Variants in MS4A4A observed in about 807,000 individuals in gnomAD.
The protein encoded by MS4A4A is membrane spanning 4-domains A4A.
In MS4A4A, 26 loss-of-function variants were observed where a neutral mutation model predicts 28.0. That is an observed-to-expected ratio of 0.93 (90% CI 0.68 to 1.29). The LOEUF (loss-of-function observed/expected upper bound fraction) is 1.29, where lower values mean the gene tolerates loss of function less well. MS4A4A is among the 50% of genes most tolerant of loss of function. The pLI is 0.00. For missense variants in MS4A4A, 290 were observed against 293.1 expected (o/e 0.99, Z 0.08); for synonymous variants, 86 against 100.8 (o/e 0.85, Z 0.88).
At chr11:60,298,751 G>C (rs900650135) in intron 3 of MS4A4A, among the ~76,000 whole-genome samples, 8 of 152,168 alleles carry the variant, frequency 5.3e-5, no homozygotes, top group African/African-American at 1.9e-4. Context: ...ATGTTCAGTA[G>C]ATTACCAGGA....
intron 3 of MS4A4A, among the ~76,000 whole-genome samples, 186 bp downstream of exon 3, chr11:60,297,511 G>A (rs1441131960): frequency 6.6e-6 from 1 of 151,910 alleles, no homozygotes; most frequent in African/African-American, 2.4e-5. Context: ...ATTAAATCTA[G>A]GCAGATTAAA....
At chr11:60,301,751 T>A (rs2084954113) in intron 4 of MS4A4A, among the ~76,000 whole-genome samples, 1 of 152,054 alleles carries the variant, frequency 6.6e-6, no homozygotes. Flanking sequence ...GCAAGTTTAG[T>A]TCTTTTTTGT....
intron 3 of MS4A4A, 46 bp from the exon 4 acceptor site, chr11:60,300,955 A>G (rs1468121115): frequency 2.1e-6 from 3 of 1,426,624 alleles, no homozygotes; most frequent in African/African-American, 1.4e-5. Flanking sequence ...ATGACTCCCA[A>G]TACTGGCTTA....
chr11:60,303,601 G>A lies in MS4A4A; in HGVS notation c.546+884G>A, dbSNP rs371617591. 1.1e-4 allele frequency among the ~76,000 whole-genome samples: 16 copies of A among 152,152 alleles called. No homozygotes were observed. In the East Asian group the frequency reaches 2.3e-3, roughly 22 times the overall value. ...CACGTGCCTGTGATCCCAGCTACTC[G>A]GGGGGCTGAGGCAGGAGAATTGCTT... On this transcript the variant is annotated intron_variant, in intron 5 of 6. Coordinates refer to ENST00000337908, the MANE Select transcript of MS4A4A (RefSeq NM_148975.3).
At chr11:60,303,145 T>C (rs937047390) in intron 5 of MS4A4A, among the ~76,000 whole-genome samples, 8 of 152,320 alleles carry the variant, frequency 5.3e-5, no homozygotes, top group Admixed American at 3.9e-4. Flanking sequence ...CTTTCCAACA[T>C]CTTTGGATGT....
At chr11:60,300,809 C>A (rs2084947184) in intron 3 of MS4A4A, among the ~76,000 whole-genome samples, 192 bp from the exon 4 acceptor site, 1 of 151,900 alleles carries the variant, frequency 6.6e-6, no homozygotes, top group African/African-American at 2.4e-5. Flanking sequence ...GATAAATTCT[C>A]CCATGGATTT....
At chr11:60,285,847 A>G (rs567768966) in intron 1 of MS4A4A, among the ~76,000 whole-genome samples, 3 of 152,326 alleles carry the variant, frequency 2.0e-5, no homozygotes, top group Admixed American at 2.0e-4. Flanking sequence ...CTGTGCACAC[A>G]TTGTCATTGA....
chr11:60,296,920 G>A (rs1048830821), intron 2 of MS4A4A: 1 of 350,698 alleles, frequency 2.9e-6, no homozygotes, highest in Non-Finnish European at 5.3e-6. Flanking sequence ...TGTGGTAGAA[G>A]TAACATCGTA....
chr11:60,299,634 G>A (rs576353431), intron 3 of MS4A4A, among the ~76,000 whole-genome samples: 10 of 151,642 alleles, frequency 6.6e-5, no homozygotes, highest in East Asian at 3.9e-4. Flanking sequence ...CACCACACCC[G>A]GCTAATTTTT....
chr11:60,297,053 A>T (rs953341481), intron 2 of MS4A4A, 144 bp from the exon 3 acceptor site: 1 of 962,952 alleles, frequency 1.0e-6, no homozygotes, highest in Non-Finnish European at 1.6e-6. Flanking sequence ...ATTTATGTGA[A>T]AAAAGAGTGA....
chr11:60,287,069 C>T (rs2084809417), intron 1 of MS4A4A, among the ~76,000 whole-genome samples: 2 of 152,156 alleles, frequency 1.3e-5, no homozygotes, highest in South Asian at 4.1e-4. Flanking sequence ...ATTAGGCTTA[C>T]ATAAAACCAC....
intron 5 of MS4A4A, among the ~76,000 whole-genome samples, chr11:60,303,480 G>A (rs905216419): frequency 6.6e-6 from 1 of 152,146 alleles, no homozygotes; most frequent in Admixed American, 6.5e-5. Flanking sequence ...AGATGAGGTG[G>A]GTGGGTCACC....
At position 60,306,158 on chromosome 11, in the gene MS4A4A, T is replaced by A. The variant is rs754177929; in HGVS notation, c.605T>A (p.Leu202His). ...SVLEFCIAVS[L>H]SAFGCKVLCC... ...CTGGAATTCTGCATTGCTGTGTCCC[T>A]CTCTGCCTTTGGATGTAAAGTGCTC... Residue 202 changes from leucine to histidine, a missense_variant, in exon 6 of 7, where the codon CTC becomes CAC. Physicochemically the swap from Leu to His is moderately conservative, Grantham distance 99. Transcript: ENST00000337908. The A allele has an allele frequency of 1.2e-6, 2 of 1,614,102 alleles. No individual in the cohort carries two copies. The highest frequency in any genetic ancestry group is 1.7e-6 in the Non-Finnish European group (2 of 1,179,908).
chr11:60,293,157 A>G (rs1233194933), intron 2 of MS4A4A, among the ~76,000 whole-genome samples: 1 of 152,140 alleles, frequency 6.6e-6, no homozygotes, highest in Non-Finnish European at 1.5e-5. Context: ...TTCCGGGTTC[A>G]AGAGATTCTC....
At position 60,308,735 on chromosome 11, in the gene MS4A4A, CA is replaced by C. The variant is rs1319456121; in HGVS notation, c.*558del. 1 of 152,464 alleles carries C rather than the reference CA, an allele frequency of 6.6e-6. No individual in the cohort carries two copies. Among genetic ancestry groups the C allele is most frequent in the Non-Finnish European group, 1.5e-5 (1 of 68,324 alleles). 9.4% of individuals were successfully genotyped at this position (152,464 alleles called of 1,614,324 possible). ...CCATAGAAAGTACCTTGAAGTAGCA[CA>C]GCCCGTCCTTGCATGTGCACGAGCT... On this transcript the variant is annotated 3_prime_UTR_variant, in exon 7 of 7. Transcript: ENST00000337908.
intron 1 of MS4A4A, among the ~76,000 whole-genome samples, chr11:60,289,478 A>G (rs927982195): frequency 1.3e-5 from 2 of 152,052 alleles, no homozygotes; most frequent in Non-Finnish European, 2.9e-5. Flanking sequence ...CTGGGTTTCT[A>G]TGATCTACAA....
At chr11:60,304,503 G>C (rs1435465332) in intron 5 of MS4A4A, among the ~76,000 whole-genome samples, 1 of 152,184 alleles carries the variant, frequency 6.6e-6, no homozygotes, top group Non-Finnish European at 1.5e-5. Flanking sequence ...TGTTCTTATA[G>C]CAGAGGACCT....
intron 1 of MS4A4A, chr11:60,282,556 A>G: frequency 7.8e-7 from 1 of 1,277,580 alleles, no homozygotes; most frequent in Non-Finnish European, 1.0e-6. Flanking sequence ...GTGTGAGAAG[A>G]TTAGATGATG....
chr11:60,290,474 C>T (rs71488453), intron 1 of MS4A4A, among the ~76,000 whole-genome samples: 7,762 of 152,020 alleles, frequency 0.051, 286 homozygotes, highest in Non-Finnish European at 0.067. Context: ...AAATTGTTTT[C>T]GGAACTTTTC....
Sources: allele counts gnomAD v4.1 joint callset (sites outside exome capture counted in the v4.1 genomes callset), GRCh38; gene constraint gnomAD v4.1.1; transcripts MANE v1.5; gene names NCBI Gene and HGNC (gene_info 2026-07-23, HGNC 2026-07-21).